The following ACSM1 variants were observed in gnomAD, a reference collection of about 807,000 sequenced individuals.
ACSM1 encodes acyl-coenzyme A synthetase ACSM1, mitochondrial.
A neutral mutation model predicts 75.8 loss-of-function variants in ACSM1; 79 were observed. The observed-to-expected ratio is 1.04, with a 90% CI of 0.87 to 1.26. The LOEUF is 1.26. Among genes scored for constraint, ACSM1 ranks in the 50% most tolerant of loss-of-function variants. The pLI is 0.00. For synonymous variants in ACSM1, 279 were observed against 265.8 expected, an observed-to-expected ratio of 1.05 and a Z score of -0.48; for missense variants, 676 against 720.1, an observed-to-expected ratio of 0.94 and a Z score of 0.70.
At chr16:20,689,404 C>G (rs2079612981) in intron 2 of ACSM1, among the ~76,000 whole-genome samples, 1 of 151,840 alleles carries the variant, frequency 6.6e-6, no homozygotes, top group African/African-American at 2.4e-5. Context: ...GACAGAAAAG[C>G]TATAAGACAT....
In ACSM1 at chr16:20,651,718, A is replaced by G. The variant is rs530838369; in HGVS notation, c.992+10076T>C. ...ATTAATTGGCTTTAAAAAGTGCTTA[A>G]ATCAGATACTAAACAAAAAAAACTA... On this transcript the variant is annotated intron_variant, in intron 7 of 13. Coordinates refer to ENST00000520010, the MANE Select transcript of ACSM1 (RefSeq NM_001318890.3). Among the ~76,000 whole-genome samples, 4 of 152,192 alleles carry G rather than the reference A, an allele frequency of 2.6e-5. 2 individuals carry two copies. The South Asian group carries it at 8.3e-4, about 32-fold the overall frequency.
At chr16:20,639,450 T>C (rs952061538) in intron 8 of ACSM1, among the ~76,000 whole-genome samples, 2 of 151,976 alleles carry the variant, frequency 1.3e-5, no homozygotes, top group Non-Finnish European at 2.9e-5. Context: ...GTTAGTGGAG[T>C]TGACAGGACT....
At chr16:20,662,664 T>G (rs1193402149) in intron 6 of ACSM1, among the ~76,000 whole-genome samples, 1 of 152,152 alleles carries the variant, frequency 6.6e-6, no homozygotes, top group African/African-American at 2.4e-5. Flanking sequence ...TATATTCCAT[T>G]TAGAATCATG....
chr16:20,670,706 C>T (rs1011393488), intron 5 of ACSM1, among the ~76,000 whole-genome samples: 1 of 152,200 alleles, frequency 6.6e-6, no homozygotes, highest in Non-Finnish European at 1.5e-5. Flanking sequence ...CTCTGTAGTT[C>T]TATGAATACT....
At chr16:20,651,032 T>C (rs1379208529) in intron 7 of ACSM1, among the ~76,000 whole-genome samples, 1 of 152,210 alleles carries the variant, frequency 6.6e-6, no homozygotes, top group Non-Finnish European at 1.5e-5. Context: ...TGTGTGTGTG[T>C]GCATGTGTGT....
intron 11 of ACSM1, among the ~76,000 whole-genome samples, chr16:20,626,643 A>G (rs2016940420): frequency 6.6e-6 from 1 of 151,862 alleles, no homozygotes; most frequent in South Asian, 2.1e-4. Context: ...TATATAAAGC[A>G]TTAAGGACAG....
chr16:20,626,359 A>G (rs1484356576), intron 11 of ACSM1, among the ~76,000 whole-genome samples: 1 of 151,922 alleles, frequency 6.6e-6, no homozygotes, highest in East Asian at 1.9e-4. Context: ...ATAAAATAAA[A>G]TAAAATAAAA....
chr16:20,685,835 ACAAAAAAAAAAC>A lies in ACSM1; in HGVS notation c.193-444_193-433del, dbSNP rs750655450. On this transcript the variant is annotated intron_variant, in intron 2 of 13. Transcript: ENST00000520010. ...ACTCCGTCTCAAAAAAAAAAAACAA[ACAAAAAAAAAAC>A]AAAAAACTTATAGCATCAGGAGAGG... is the stretch of plus-strand genomic sequence containing the variant. Among the ~76,000 whole-genome samples the A allele has an allele frequency of 1.2e-3, 108 of 89,456 alleles. 7 individuals carry two copies. Among genetic ancestry groups the A allele is most frequent in the African/African-American group, 2.4e-3 (57 of 23,602 alleles). 58.7% of individuals were successfully genotyped at this position (89,456 alleles called of 152,430 possible). A position where few individuals can be genotyped will look rare whatever the true frequency, so the allele number is the denominator to read the frequency against.
Position 20,685,304 on chromosome 16 carries a change from C to G in ACSM1, c.292G>C (p.Val98Leu), listed in dbSNP as rs1367260264. The change falls in exon 3 of 14, where the codon GTA (valine) becomes CTA (leucine). Residue 98 changes from valine to leucine, a missense_variant. Coordinates refer to ENST00000520010, the MANE Select transcript of ACSM1 (RefSeq NM_001318890.3). ...FREMGDLTRR[V>L]ANVFTQTCGL... ...CAGGTCTGTGTGAAGACGTTGGCTA[C>G]ACGGCGGGTTAGGTCTCCCATCTCT... The G allele has an allele frequency of 3.7e-6, 6 of 1,614,106 alleles. No individual in the cohort carries two copies. The highest frequency in any genetic ancestry group is 4.2e-6 in the Non-Finnish European group (5 of 1,180,036).
rs2016889438 is a variant in ACSM1 at position 20,625,806 on chromosome 16, C to CA, written c.1428-285dup. 1.3e-5 allele frequency among the ~76,000 whole-genome samples: 2 copies of CA among 152,220 alleles called. 1 individual carries two copies. Among genetic ancestry groups the CA allele is most frequent in the South Asian group, 4.1e-4 (2 of 4,828 alleles). ...AGAGCTTGGCCCAAGCAGCTTCCCC[C>CA]AACACGAAATCTCTTGGAAGCCTCA... On this transcript the variant is annotated intron_variant, in intron 11 of 13. Transcript: ENST00000520010.
intron 7 of ACSM1, among the ~76,000 whole-genome samples, chr16:20,644,792 C>A (rs1250945826): frequency 6.6e-6 from 1 of 152,148 alleles, no homozygotes; most frequent in Non-Finnish European, 1.5e-5. Flanking sequence ...CCCAAACTTA[C>A]AAGGGTTTAA....
At chr16:20,676,865 G>A (rs2020312844) in intron 4 of ACSM1, among the ~76,000 whole-genome samples, 1 of 151,924 alleles carries the variant, frequency 6.6e-6, no homozygotes, top group Non-Finnish European at 1.5e-5. Flanking sequence ...CAAGGCCATG[G>A]TATAAAAAAA....
At chr16:20,649,711 G>A (rs552622064) in intron 7 of ACSM1, among the ~76,000 whole-genome samples, 21 of 152,062 alleles carry the variant, frequency 1.4e-4, no homozygotes, top group African/African-American at 3.1e-4. Flanking sequence ...CCTATAGCCC[G>A]GAAGCCCCCA....
intron 6 of ACSM1, among the ~76,000 whole-genome samples, chr16:20,669,062 G>T (rs1018294019): frequency 6.6e-6 from 1 of 152,096 alleles, no homozygotes; most frequent in Non-Finnish European, 1.5e-5. Context: ...GCCTCTGAGA[G>T]GGAAAGCAAG....
Position 20,691,768 on chromosome 16 carries a change from T to C in ACSM1, c.-51-529A>G, listed in dbSNP as rs1374207105. Among the ~76,000 whole-genome samples, 7 of 58,818 alleles carry C rather than the reference T, an allele frequency of 1.2e-4. 1 individual carries two copies. The highest frequency in any genetic ancestry group is 5.3e-4 in the East Asian group (2 of 3,750). The allele number at this position is 58,818 out of a possible 152,430, so 38.6% of individuals were successfully genotyped here. On this transcript the variant is annotated intron_variant, in intron 1 of 13. Coordinates refer to ENST00000520010, the MANE Select transcript of ACSM1 (RefSeq NM_001318890.3). ...CCTCTCCAATGTGTGTGTGTGTGTG[T>C]GTGTGTGTGTGTGTGTGTGTGTGTG...
chr16:20,647,683 T>C (rs1440300161), intron 7 of ACSM1, among the ~76,000 whole-genome samples: 1 of 152,032 alleles, frequency 6.6e-6, no homozygotes. Context: ...CGATATCTAG[T>C]AATAATGATA....
intron 7 of ACSM1, among the ~76,000 whole-genome samples, chr16:20,654,249 T>C (rs1220756027): frequency 3.3e-5 from 5 of 152,106 alleles, no homozygotes; most frequent in African/African-American, 1.2e-4. Context: ...AAAAGTTAAT[T>C]GAAGATGGAT....
chr16:20,638,689 G>A lies in ACSM1; in HGVS notation c.1117-1238C>T, dbSNP rs183211943. On this transcript the variant is annotated intron_variant, in intron 8 of 13. Transcript: ENST00000520010. ...GAGAAAGCATACATAATATCCTTAT[G>A]GTCTTCAAGCTGTAATTGGCAGAGC... is the stretch of plus-strand genomic sequence containing the variant. Among the ~76,000 whole-genome samples, 6 of 152,318 alleles carry A rather than the reference G, an allele frequency of 3.9e-5. 1 individual carries two copies. Among genetic ancestry groups the A allele is most frequent in the Admixed American group, 3.9e-4 (6 of 15,294 alleles).
chr16:20,690,935 A>T, intron 2 of ACSM1, 62 bp downstream of exon 2: 1 of 1,522,162 alleles, frequency 6.6e-7, no homozygotes, highest in Non-Finnish European at 8.9e-7. Flanking sequence ...GCCTAGTAGG[A>T]GCAAGATAAG....
Sources: gnomAD v4.1 joint callset for allele counts (sites outside exome capture counted in the v4.1 genomes callset) on GRCh38, gnomAD v4.1.1 for gene constraint, MANE v1.5 for transcripts, NCBI Gene and HGNC (gene_info 2026-07-23, HGNC 2026-07-21) for gene names.